Variants in AKAP6 observed in about 807,000 individuals in gnomAD.
AKAP6 encodes A-kinase anchoring protein 6, also known as A-kinase anchor protein 6.
Under a neutral mutation model 188.5 loss-of-function variants are expected in AKAP6, and 58 were observed. That is an observed-to-expected ratio of 0.31 (90% confidence interval 0.25 to 0.38). AKAP6 has a LOEUF of 0.38. Among genes scored for constraint, AKAP6 ranks in the 10% least tolerant of loss-of-function variants. The pLI is 1.00. For missense variants in AKAP6, 2,710 were observed against 2,740.0 expected, an observed-to-expected ratio of 0.99 and a Z score of 0.24; for synonymous variants, 989 against 998.6, an observed-to-expected ratio of 0.99 and a Z score of 0.18.
chr14:32,560,814 G>C (rs988049056), intron 4 of AKAP6, among the ~76,000 whole-genome samples: 2 of 152,060 alleles, frequency 1.3e-5, no homozygotes, highest in African/African-American at 4.8e-5. Flanking sequence ...ATAATTTTGT[G>C]TTGCTGGTAG....
Position 32,546,814 on chromosome 14 carries a change from C to A in AKAP6, c.2161C>A (p.Leu721Ile), listed in dbSNP as rs2139158010. Reference protein sequence around the residue: ...SIESGPLSDILSDEESSMPLA... With the variant: ...SIESGPLSDIISDEESSMPLA... ...TGAATCTGGGCCCCTGAGTGACATT[C>A]TTTCTGATGAGGAGTCCAGTATGCC... is the stretch of plus-strand genomic sequence containing the variant. Residue 721 changes from leucine to isoleucine, a missense_variant, in exon 4 of 14, where the codon CTT becomes ATT. Around this residue, in one of 2 missense-constraint regions of AKAP6, gnomAD observed 2,473 missense variants for 2,426.1 expected, o/e 1.02. Coordinates refer to ENST00000280979, the MANE Select transcript of AKAP6 (RefSeq NM_004274.5). 2 of 1,614,080 alleles carry A rather than the reference C, an allele frequency of 1.2e-6. No homozygotes were observed. Among genetic ancestry groups the A allele is most frequent in the Middle Eastern group, 1.6e-4 (1 of 6,062 alleles).
rs142202374 is a variant in AKAP6, at chr14:32,445,298, A to G, written c.324+11481A>G. 1.8e-4 allele frequency among the ~76,000 whole-genome samples: 27 copies of G among 152,230 alleles called. No individual in the cohort carries two copies. The East Asian group carries it at 2.3e-3, about 13-fold the overall frequency. Reference sequence around the variant, plus strand: ...GGAAAAATTGCTGTACGTACTCTGAATGATAGCTAAAATGTCATCTGCTTG... The same window carrying G: ...GGAAAAATTGCTGTACGTACTCTGAGTGATAGCTAAAATGTCATCTGCTTG... On this transcript the variant is annotated intron_variant, in intron 2 of 13. Transcript: ENST00000280979.
intron 8 of AKAP6, among the ~76,000 whole-genome samples, chr14:32,680,014 C>T (rs958983708): frequency 6.6e-6 from 1 of 152,264 alleles, no homozygotes; most frequent in African/African-American, 2.4e-5. Context: ...TTTGTAAAAG[C>T]CCTGGGGTTT....
At chr14:32,594,416 T>C (rs1441733256) in intron 5 of AKAP6, among the ~76,000 whole-genome samples, 1 of 152,234 alleles carries the variant, frequency 6.6e-6, no homozygotes, top group Admixed American at 6.5e-5. Flanking sequence ...GATTGTTTAG[T>C]CTTCATTTTG....
chr14:32,335,692 C>A (rs1391771794), intron 1 of AKAP6, among the ~76,000 whole-genome samples: 1 of 152,086 alleles, frequency 6.6e-6, no homozygotes, highest in Non-Finnish European at 1.5e-5. Flanking sequence ...GCTAATTAAC[C>A]ATCCTGTTGG....
chr14:32,813,790 A>G (rs1230768115), intron 12 of AKAP6, among the ~76,000 whole-genome samples: 2 of 151,862 alleles, frequency 1.3e-5, no homozygotes, highest in Non-Finnish European at 2.9e-5. Context: ...CCTTCCTACA[A>G]CTTCACAATC....
At position 32,830,207 on chromosome 14, in the gene AKAP6, C is replaced by A. The variant is rs1314001602; in HGVS notation, c.*402C>A. ...CATTAAATTCTCCTGTCTAGAATGA[C>A]CCCCCCACCAGTACTTGACCAATTT... is the stretch of plus-strand genomic sequence containing the variant. On this transcript the variant is annotated 3_prime_UTR_variant, in exon 14 of 14. Coordinates refer to ENST00000280979, the MANE Select transcript of AKAP6 (RefSeq NM_004274.5). The A allele has an allele frequency of 1.1e-5, 5 of 439,994 alleles. No homozygotes were observed. The highest frequency in any genetic ancestry group is 4.1e-5 in the Admixed American group (1 of 24,130). The allele number at this position is 439,994 out of a possible 1,614,324, so 27.3% of individuals were successfully genotyped here. A position where few individuals can be genotyped will look rare whatever the true frequency, so the allele number is the denominator to read the frequency against.
chr14:32,682,670 C>T (rs531424030), intron 8 of AKAP6, among the ~76,000 whole-genome samples: 3 of 152,070 alleles, frequency 2.0e-5, no homozygotes, highest in Non-Finnish European at 2.9e-5. Flanking sequence ...GGTTCTTAAC[C>T]GAGATAGTGC....
chr14:32,794,452 T>C (rs1409048703), intron 12 of AKAP6, among the ~76,000 whole-genome samples: 3 of 152,082 alleles, frequency 2.0e-5, no homozygotes, highest in Admixed American at 2.0e-4. Context: ...CCCAATTACT[T>C]GGGAGGCTGA....
chr14:32,368,876 G>GAAA (rs150876565), intron 1 of AKAP6, among the ~76,000 whole-genome samples: 3 of 135,792 alleles, frequency 2.2e-5, no homozygotes, highest in African/African-American at 8.2e-5. Flanking sequence ...ATATTAAGAA[G>GAAA]AAGAAAAAAA....
intron 7 of AKAP6, among the ~76,000 whole-genome samples, chr14:32,664,761 G>A (rs1318896847): frequency 6.6e-6 from 1 of 151,858 alleles, no homozygotes; most frequent in African/African-American, 2.4e-5. Context: ...GCAAATTAGG[G>A]CCCCATAGGA....
chr14:32,582,148 A>G (rs943531812), intron 5 of AKAP6, among the ~76,000 whole-genome samples: 2 of 151,754 alleles, frequency 1.3e-5, no homozygotes, highest in African/African-American at 4.8e-5. Context: ...GTTCCTTTCC[A>G]TGTTTAGTGC....
intron 7 of AKAP6, among the ~76,000 whole-genome samples, chr14:32,618,284 A>T (rs1395842146): frequency 2.0e-5 from 3 of 152,092 alleles, no homozygotes; most frequent in African/African-American, 7.2e-5. Flanking sequence ...ATTTTAGTGT[A>T]CCCTTCACCA....
intron 5 of AKAP6, among the ~76,000 whole-genome samples, chr14:32,585,400 A>G (rs1885188806): frequency 6.6e-6 from 1 of 152,204 alleles, no homozygotes; most frequent in South Asian, 2.1e-4. Flanking sequence ...ACGTTAACCA[A>G]CCACATAGAA....
intron 1 of AKAP6, among the ~76,000 whole-genome samples, chr14:32,417,570 G>GT (rs1407347400): frequency 6.6e-6 from 1 of 152,124 alleles, no homozygotes; most frequent in East Asian, 1.9e-4. Flanking sequence ...TGACTTGCTT[G>GT]TTAGCCAGAG....
chr14:32,432,574 C>T (rs1890258383), intron 1 of AKAP6, among the ~76,000 whole-genome samples: 1 of 152,012 alleles, frequency 6.6e-6, no homozygotes, highest in Non-Finnish European at 1.5e-5. Context: ...CAGTACAATC[C>T]ATGATTTATA....
intron 9 of AKAP6, among the ~76,000 whole-genome samples, chr14:32,730,518 T>G: frequency 6.6e-6 from 1 of 152,156 alleles, no homozygotes; most frequent in Non-Finnish European, 1.5e-5. Flanking sequence ...TTTCCTTTCT[T>G]GACTGATGTG....
At chr14:32,755,188 T>A (rs2032285373) in intron 11 of AKAP6, among the ~76,000 whole-genome samples, 1 of 152,144 alleles carries the variant, frequency 6.6e-6, no homozygotes, top group Admixed American at 6.5e-5. Flanking sequence ...CTTCACTCAT[T>A]TTCATTATTT....
At position 32,528,249 on chromosome 14, in the gene AKAP6, C is replaced by T. The variant is rs1882228601; in HGVS notation, c.325-7305C>T. Among the ~76,000 whole-genome samples the T allele has an allele frequency of 2.0e-5, 3 of 151,684 alleles. No homozygotes were observed. In the South Asian group the frequency reaches 6.2e-4, roughly 31 times the overall value. On this transcript the variant is annotated intron_variant, in intron 2 of 13. Coordinates refer to ENST00000280979, the MANE Select transcript of AKAP6 (RefSeq NM_004274.5). ...TATTGTGTTGCCTTTGCTCCTTTGT[C>T]GAACATCAGTTAACTATTACTTATG...
Sources: gnomAD v4.1 joint callset for allele counts (sites outside exome capture counted in the v4.1 genomes callset) on GRCh38, gnomAD v4.1.1 for gene constraint, gnomAD v4.1.1 regional missense constraint, MANE v1.5 for transcripts, NCBI Gene and HGNC (gene_info 2026-07-23, HGNC 2026-07-21) for gene names.